UPRT: variants seen among roughly 807,000 people sequenced by gnomAD.
UPRT encodes the protein uracil phosphoribosyltransferase homolog.
UPRT carries 5 observed loss-of-function variants against 22.6 expected under a neutral mutation model. The ratio of observed to expected loss-of-function variants is 0.22; its 90% CI spans 0.12 to 0.47. UPRT has a LOEUF of 0.47. Ranked by LOEUF, UPRT falls within the 20% of genes least tolerant of loss-of-function variation. The pLI, the probability that UPRT is intolerant of heterozygous loss-of-function variation, is 0.99. For missense variants in UPRT, 181 were observed against 239.9 expected (o/e 0.75, Z 1.62); for synonymous variants, 77 against 87.7 (o/e 0.88, Z 0.68).
At chrX:75,237,000 C>T (rs1378625237) in intron 4 of UPRT, among the ~76,000 whole-genome samples, 10 of 111,816 alleles carry the variant, frequency 8.9e-5, no homozygotes, top group African/African-American at 1.9e-4. Context: ...CTACCATCAG[C>T]GTGAACAGGC....
chrX:75,236,435 T>C (rs995411042), intron 4 of UPRT, among the ~76,000 whole-genome samples: 2 of 111,337 alleles, frequency 1.8e-5, no homozygotes, highest in Non-Finnish European at 3.8e-5. Flanking sequence ...CTTCACAGAA[T>C]TGGAAAAAAC....
chrX:75,249,709 C>A (rs1319647972), intron 4 of UPRT, among the ~76,000 whole-genome samples: 1 of 111,378 alleles, frequency 9.0e-6, no homozygotes, highest in Non-Finnish European at 1.9e-5. Flanking sequence ...ACCAAGCGGA[C>A]CTAATAGACA....
intron 4 of UPRT, among the ~76,000 whole-genome samples, chrX:75,235,585 A>G (rs906939721): frequency 1.8e-5 from 2 of 111,815 alleles, no homozygotes; most frequent in Non-Finnish European, 3.8e-5. Context: ...AGCACATCAA[A>G]AAGCTTATCC....
intron 4 of UPRT, among the ~76,000 whole-genome samples, chrX:75,260,061 G>T (rs1279686187): frequency 8.9e-6 from 1 of 111,906 alleles, no homozygotes; most frequent in Admixed American, 9.5e-5. Flanking sequence ...AATGCTGAGA[G>T]ATTTTATCAC....
intron 1 of UPRT, among the ~76,000 whole-genome samples, chrX:75,277,407 CCTT>C (rs1037592480): frequency 1.8e-5 from 2 of 110,277 alleles, no homozygotes; most frequent in Non-Finnish European, 3.8e-5. Context: ...TAAGTGGAAT[CCTT>C]TTTTTTTTTT....
chrX:75,244,619 C>G (rs751634444), intron 4 of UPRT, among the ~76,000 whole-genome samples: 4 of 111,350 alleles, frequency 3.6e-5, no homozygotes, highest in Non-Finnish European at 5.7e-5. Flanking sequence ...AATAATGCCA[C>G]ACACCTATAA....
intron 4 of UPRT, among the ~76,000 whole-genome samples, chrX:75,204,064 G>T (rs1489846365): frequency 1.8e-5 from 2 of 110,116 alleles, no homozygotes; most frequent in Non-Finnish European, 3.8e-5. Flanking sequence ...TGGTGGAGAA[G>T]GATGGTATCA....
chrX:75,210,123 A>G, intron 4 of UPRT, among the ~76,000 whole-genome samples: 1 of 111,792 alleles, frequency 8.9e-6, no homozygotes, highest in Non-Finnish European at 1.9e-5. Context: ...AGCTTTATTT[A>G]TGACAGCTAG....
intron 1 of UPRT, among the ~76,000 whole-genome samples, chrX:75,277,898 T>G (rs1425035571): frequency 9.0e-6 from 1 of 111,526 alleles, no homozygotes; most frequent in Non-Finnish European, 1.9e-5. Context: ...TATATTCCCT[T>G]TATCTTTAAA....
intron 4 of UPRT, among the ~76,000 whole-genome samples, chrX:75,194,101 TC>T (rs1242467060): frequency 8.9e-6 from 1 of 112,004 alleles, no homozygotes; most frequent in Non-Finnish European, 1.9e-5. Flanking sequence ...TTTCCTTTAA[TC>T]TTAGAAGTTG....
chrX:75,198,124 A>T (rs763210721), intron 4 of UPRT, among the ~76,000 whole-genome samples: 1 of 113,053 alleles, frequency 8.8e-6, no homozygotes, highest in East Asian at 2.8e-4. Context: ...TGCATAAAAA[A>T]ATTGTGGTAT....
At chrX:75,181,261 T>C (rs1224467576) in intron 4 of UPRT, among the ~76,000 whole-genome samples, 1 of 111,783 alleles carries the variant, frequency 8.9e-6, no homozygotes, top group Non-Finnish European at 1.9e-5. Flanking sequence ...CCGTACCTTG[T>C]AGTATAGTTT....
chrX:75,171,656 T>G (rs1313967127), intron 4 of UPRT, among the ~76,000 whole-genome samples: 2 of 109,899 alleles, frequency 1.8e-5, no homozygotes, highest in Admixed American at 9.8e-5. Context: ...AGGTTGTTTT[T>G]TTTTTTTTAT....
chrX:75,240,750 T>C (rs2082485947), intron 4 of UPRT, among the ~76,000 whole-genome samples: 1 of 111,586 alleles, frequency 9.0e-6, no homozygotes, highest in African/African-American at 3.2e-5. Context: ...TAATGCAGCA[T>C]AATAGGGAAC....
intron 4 of UPRT, among the ~76,000 whole-genome samples, chrX:75,188,917 G>C: frequency 8.9e-6 from 1 of 111,748 alleles, no homozygotes; most frequent in Admixed American, 9.4e-5. Context: ...CCTACTGTCT[G>C]GCACTCCCTA....
At chrX:75,272,328 A>ATG (rs1392015059), upstream of UPRT, among the ~76,000 whole-genome samples, 681 of 95,637 alleles carry the variant, frequency 7.1e-3, 25 homozygotes, top group African/African-American at 0.021. Context: ...ATACATATAT[A>ATG]TGTATATATA....
intron 2 of UPRT, chrX:75,294,601 C>T: frequency 1.0e-6 from 1 of 985,097 alleles, no homozygotes; most frequent in Non-Finnish European, 1.3e-6. Flanking sequence ...GCATAGACAA[C>T]TCCTGTTCTG....
chrX:75,241,138 A>C (rs767255548), intron 4 of UPRT, among the ~76,000 whole-genome samples: 7 of 111,186 alleles, frequency 6.3e-5, no homozygotes, highest in Non-Finnish European at 9.4e-5. Context: ...TTAACAGACA[A>C]CCCACAGAGT....
At chrX:75,282,945 T>C (rs889057921) in intron 1 of UPRT, among the ~76,000 whole-genome samples, 3 of 111,965 alleles carry the variant, frequency 2.7e-5, no homozygotes, top group Non-Finnish European at 5.6e-5. Flanking sequence ...TTTTATAAAT[T>C]TGGGAGGTCC....
Sources: allele counts gnomAD v4.1 joint callset (sites outside exome capture counted in the v4.1 genomes callset), GRCh38; gene constraint gnomAD v4.1.1; transcripts MANE v1.5; gene names NCBI Gene and HGNC (gene_info 2026-07-23, HGNC 2026-07-21).